The following CTNNBL1 variants were observed in gnomAD, a reference collection of about 807,000 sequenced individuals.
CTNNBL1 encodes catenin beta like 1, also known as beta-catenin-like protein 1.
CTNNBL1 carries 31 observed loss-of-function variants against 72.7 expected under a neutral mutation model. That is an observed-to-expected ratio of 0.43 (90% CI 0.32 to 0.58). The LOEUF is 0.58. CTNNBL1 is among the 20% of genes least tolerant of loss of function. The pLI is 0.08. For synonymous variants in CTNNBL1, 240 were observed against 267.3 expected (o/e 0.90, Z 1.00); for missense variants, 534 against 725.1 (o/e 0.74, Z 3.03).
intron 1 of CTNNBL1, among the ~76,000 whole-genome samples, chr20:37,714,574 T>G (rs1010533843): frequency 6.6e-6 from 1 of 152,244 alleles, no homozygotes; most frequent in African/African-American, 2.4e-5. Context: ...CTGGCATTTC[T>G]TTTAAAGGCT....
At chr20:37,840,063 C>G (rs1341581530) in intron 11 of CTNNBL1, 39 bp from the exon 12 acceptor site, 1 of 1,478,924 alleles carries the variant, frequency 6.8e-7, no homozygotes, top group South Asian at 1.1e-5. Context: ...AATTACTGCT[C>G]TGATCTCAGC....
intron 3 of CTNNBL1, among the ~76,000 whole-genome samples, chr20:37,740,006 G>A (rs2073201693): frequency 6.6e-6 from 1 of 152,144 alleles, no homozygotes; most frequent in Non-Finnish European, 1.5e-5. Context: ...TCAATTTGGA[G>A]CAGAGTTTCT....
intron 13 of CTNNBL1, among the ~76,000 whole-genome samples, chr20:37,843,407 G>T (rs1306419338): frequency 6.6e-6 from 1 of 152,226 alleles, no homozygotes; most frequent in African/African-American, 2.4e-5. Flanking sequence ...CTACCGTGTT[G>T]CACTGGGAAT....
chr20:37,698,701 A>C (rs1422687770), intron 1 of CTNNBL1, among the ~76,000 whole-genome samples: 1 of 152,222 alleles, frequency 6.6e-6, no homozygotes, highest in Non-Finnish European at 1.5e-5. Context: ...AATGTAGTTC[A>C]TAATCAGTTG....
chr20:37,825,078 C>T (rs777268412), intron 11 of CTNNBL1, among the ~76,000 whole-genome samples: 15 of 152,316 alleles, frequency 9.8e-5, no homozygotes, highest in Non-Finnish European at 1.5e-4. Flanking sequence ...ATGGACTGGG[C>T]GTGGTGGCTC....
chr20:37,830,373 GCCT>G (rs1419876833), intron 11 of CTNNBL1, among the ~76,000 whole-genome samples: 5 of 152,068 alleles, frequency 3.3e-5, no homozygotes, highest in African/African-American at 9.7e-5. Context: ...ATTCCTAAAA[GCCT>G]CCTCCTGTGA....
chr20:37,771,714 G>A lies in CTNNBL1; in HGVS notation c.750+3670G>A, dbSNP rs111491225. On this transcript the variant is annotated intron_variant, in intron 7 of 15. Coordinates refer to ENST00000361383, the MANE Select transcript of CTNNBL1 (RefSeq NM_030877.5). ...TATTTCTAAATTTTACACACCCTTC[G>A]TGAAACAGCTTAAATCCCTAATCTT... 2.7e-3 allele frequency among the ~76,000 whole-genome samples: 407 copies of A among 152,038 alleles called. 1 individual carries two copies. Among genetic ancestry groups the A allele is most frequent in the African/African-American group, 7.0e-3 (291 of 41,444 alleles).
chr20:37,710,369 C>G (rs977715661), intron 1 of CTNNBL1, among the ~76,000 whole-genome samples: 1 of 151,962 alleles, frequency 6.6e-6, no homozygotes, highest in Non-Finnish European at 1.5e-5. Context: ...GCCTTTTTTG[C>G]CCATTCTTTT....
chr20:37,793,863 C>G (rs1213994254), intron 10 of CTNNBL1, among the ~76,000 whole-genome samples: 2 of 152,148 alleles, frequency 1.3e-5, no homozygotes, highest in East Asian at 1.9e-4. Context: ...GCACTGCAAC[C>G]TCTGCCTTCA....
At chr20:37,845,684 G>A (rs968642606) in intron 13 of CTNNBL1, among the ~76,000 whole-genome samples, 6 of 152,288 alleles carry the variant, frequency 3.9e-5, no homozygotes, top group Admixed American at 1.3e-4. Context: ...GCCTCATGCC[G>A]TCTTCTCTCT....
chr20:37,827,233 T>C (rs567960254), intron 11 of CTNNBL1, among the ~76,000 whole-genome samples: 5 of 152,382 alleles, frequency 3.3e-5, no homozygotes, highest in South Asian at 2.1e-4. Flanking sequence ...TTTTCCATTC[T>C]TCCTATTGAC....
chr20:37,754,459 T>A (rs1426959691), intron 4 of CTNNBL1, among the ~76,000 whole-genome samples: 2 of 151,994 alleles, frequency 1.3e-5, no homozygotes, highest in Non-Finnish European at 2.9e-5. Context: ...AGTGGGTGGA[T>A]GGGTGGATGG....
intron 10 of CTNNBL1, among the ~76,000 whole-genome samples, chr20:37,796,974 T>C (rs143052195): frequency 1.3e-5 from 2 of 152,288 alleles, no homozygotes; most frequent in Non-Finnish European, 2.9e-5. Context: ...GTGGGGGTGA[T>C]ATGGGTAGTG....
At chr20:37,866,083 C>T (rs764337305) in intron 15 of CTNNBL1, among the ~76,000 whole-genome samples, 24 of 152,316 alleles carry the variant, frequency 1.6e-4, no homozygotes, top group Admixed American at 1.0e-3. Context: ...GTCATGGATA[C>T]GGTGTCCCAC....
At chr20:37,803,451 G>A (rs954848309) in intron 11 of CTNNBL1, among the ~76,000 whole-genome samples, 1 of 152,170 alleles carries the variant, frequency 6.6e-6, no homozygotes. Flanking sequence ...CCAACATCAG[G>A]AATTGCCGAA....
At chr20:37,789,360 A>G (rs2073705011) in intron 10 of CTNNBL1, among the ~76,000 whole-genome samples, 1 of 152,254 alleles carries the variant, frequency 6.6e-6, no homozygotes, top group Admixed American at 6.5e-5. Flanking sequence ...TTTGGTGAGC[A>G]GCAGAAGAAT....
chr20:37,756,633 C>CTT (rs373023677), intron 4 of CTNNBL1, among the ~76,000 whole-genome samples: 3,406 of 130,038 alleles, frequency 0.026, 218 homozygotes, highest in African/African-American at 0.095. Context: ...CTCTCCCTTT[C>CTT]TTTTTTTTTT....
At chr20:37,810,292 G>A (rs2071998664) in intron 11 of CTNNBL1, among the ~76,000 whole-genome samples, 1 of 152,220 alleles carries the variant, frequency 6.6e-6, no homozygotes, top group South Asian at 2.1e-4. Context: ...AAAGGGAAGA[G>A]ATCGTGTGCA....
intron 1 of CTNNBL1, among the ~76,000 whole-genome samples, chr20:37,725,993 A>G (rs1416853402): frequency 6.6e-6 from 1 of 152,158 alleles, no homozygotes; most frequent in East Asian, 1.9e-4. Context: ...CAAAAAAAGA[A>G]AAGAAAAGAA....
Sources: allele counts gnomAD v4.1 joint callset (sites outside exome capture counted in the v4.1 genomes callset), GRCh38; gene constraint gnomAD v4.1.1; transcripts MANE v1.5; gene names NCBI Gene and HGNC (gene_info 2026-07-23, HGNC 2026-07-21).